Variants in MISP observed in about 807,000 individuals in gnomAD.
MISP encodes the protein mitotic spindle positioning.
In MISP, 51 loss-of-function variants were observed where a neutral mutation model predicts 49.3. The observed-to-expected ratio is 1.03, with a 90% CI of 0.83 to 1.31. MISP has a LOEUF of 1.31. Among genes scored for constraint, MISP ranks in the 50% most tolerant of loss-of-function variants. The pLI, the probability that MISP is intolerant of heterozygous loss-of-function variation, is 0.00. For missense variants in MISP, 1,084 were observed against 935.1 expected (o/e 1.16, Z -2.08); for synonymous variants, 444 against 392.6 (o/e 1.13, Z -1.55).
upstream of MISP, among the ~76,000 whole-genome samples, chr19:750,222 G>C (rs1336641184): frequency 9.3e-6 from 1 of 107,468 alleles, no homozygotes; most frequent in African/African-American, 3.5e-5. Flanking sequence ...TTTTTGAGTT[G>C]GAGTTTTGCT....
At position 759,972 on chromosome 19, in the gene MISP, A is replaced by T; in HGVS notation, c.1844A>T (p.Asn615Ile). ...TTCAGCCCCATCCACCTACACTCAAACGTGGCGTGGACAGTGGAAGATCCA... is the reference window on the plus strand; with the variant it reads ...TTCAGCCCCATCCACCTACACTCAATCGTGGCGTGGACAGTGGAAGATCCA... ...PFFSPIHLHS[N>I]VAWTVEDPVD... is the part of the protein sequence containing the mutation. Residue 615 changes from asparagine to isoleucine, a missense_variant, in exon 3 of 5, where the codon AAC becomes ATC. By Grantham distance (149) the Asn-to-Ile change is moderately radical. Transcript: ENST00000215582. 6.2e-7 allele frequency: 1 copy of T among 1,613,820 alleles called. No individual in the cohort carries two copies. Among genetic ancestry groups the T allele is most frequent in the Non-Finnish European group, 8.5e-7 (1 of 1,179,920 alleles).
At position 758,568 on chromosome 19, in the gene MISP, C is replaced by T; in HGVS notation, c.1622C>T (p.Ser541Phe). 6.2e-7 allele frequency: 1 copy of T among 1,614,202 alleles called. No homozygotes were observed. The highest frequency in any genetic ancestry group is 8.5e-7 in the Non-Finnish European group (1 of 1,180,022). The change falls in exon 2 of 5, where the codon TCC becomes TTC. Residue 541 changes from serine to phenylalanine, a missense_variant. Coordinates refer to ENST00000215582, the MANE Select transcript of MISP (RefSeq NM_173481.4). ...AGAPALRLQK[S>F]QSSDLLERER... ...GCCCCTGCACTGAGGCTGCAGAAGT[C>T]CCAGTCATCTGATCTGCTGGAAAGG...
Position 757,315 on chromosome 19 carries a change from C to A in MISP, c.369C>A (p.Thr123=). 6.2e-7 allele frequency: 1 copy of A among 1,614,056 alleles called. No homozygotes were observed. The change falls in exon 2 of 5, where the codon ACC becomes ACA. Residue 123 remains threonine, a synonymous_variant. Transcript: ENST00000215582. ...ACGGGGAGGACAAGGAGATGAAGAC[C>A]TACCGCCTGGATGCTGGGGACGCTG... is the stretch of plus-strand genomic sequence containing the variant. ...PEDGEDKEMK[T]YRLDAGDADP...
chr19:755,382 TGTCTCAGATGGGACGAG>T (rs2033534315), intron 1 of MISP, among the ~76,000 whole-genome samples: 1 of 152,142 alleles, frequency 6.6e-6, no homozygotes, highest in Non-Finnish European at 1.5e-5. Context: ...GCGGGGATGT[TGTCTCAGATGGGACGAG>T]GTGTCCAGCT....
chr19:750,314 C>T (rs563085310), upstream of MISP, among the ~76,000 whole-genome samples: 541 of 150,892 alleles, frequency 3.6e-3, 1 homozygote, highest in Non-Finnish European at 5.4e-3. Flanking sequence ...ATTCTTCTGC[C>T]TCAGCCTCCC....
chr19:756,272 G>A (rs1246978254), intron 1 of MISP, among the ~76,000 whole-genome samples: 4 of 152,196 alleles, frequency 2.6e-5, no homozygotes, highest in South Asian at 2.1e-4. Context: ...TAAAGTCCCA[G>A]GGTCTCATGT....
chr19:760,253 TG>T (rs1298074999), intron 3 of MISP, among the ~76,000 whole-genome samples: 1 of 151,578 alleles, frequency 6.6e-6, no homozygotes, highest in Admixed American at 6.6e-5. Flanking sequence ...CCATATAAGC[TG>T]GGGTCTTTGT....
chr19:754,287 AC>A lies in MISP; in HGVS notation c.-57-2599del, dbSNP rs1455561230. On this transcript the variant is annotated intron_variant, in intron 1 of 4. Transcript: ENST00000215582. ...AGACCATCCTGGCTAATATGGTGAA[AC>A]CCCGTCTCTACTAAAAATACAAAAA... is the stretch of plus-strand genomic sequence containing the variant. Among the ~76,000 whole-genome samples the A allele has an allele frequency of 2.6e-5, 4 of 152,246 alleles. No individual in the cohort carries two copies. The East Asian group carries it at 7.7e-4, about 29-fold the overall frequency.
upstream of MISP, among the ~76,000 whole-genome samples, chr19:749,824 C>CAA (rs775414369): frequency 2.1e-5 from 3 of 144,964 alleles, no homozygotes; most frequent in Admixed American, 6.9e-5. Flanking sequence ...GACTCCGTCT[C>CAA]AAAAAAAAAA....
chr19:763,473 C>A (rs758169816), intron 4 of MISP, 28 bp from the exon 5 acceptor site: 3 of 1,554,676 alleles, frequency 1.9e-6, no homozygotes, highest in East Asian at 2.2e-5. Flanking sequence ...GGACCTGGAT[C>A]GGGGGAATTC....
chr19:758,045 C>G lies in MISP; in HGVS notation c.1099C>G (p.Arg367Gly), dbSNP rs778438756. Reference protein sequence around the residue: ...QETQREEDHRREGLHVGRAST... With the variant: ...QETQREEDHRGEGLHVGRAST... ...GACACAGCGTGAGGAAGACCACCGG[C>G]GGGAGGGCCTGCACGTGGGCCGGGC... The change falls in exon 2 of 5, where the codon CGG becomes GGG. Residue 367 changes from arginine to glycine, a missense_variant. By Grantham distance (125) the Arg-to-Gly change is moderately radical. Transcript: ENST00000215582. The G allele has an allele frequency of 1.3e-6, 2 of 1,566,388 alleles. No homozygotes were observed. The highest frequency in any genetic ancestry group is 2.3e-5 in the East Asian group (1 of 44,362).
At chr19:759,775 C>T (rs563884627) in intron 2 of MISP, 134 bp from the exon 3 acceptor site, 1 of 1,001,458 alleles carries the variant, frequency 1.0e-6, no homozygotes, top group African/African-American at 1.6e-5. Flanking sequence ...TTTGGTCAAT[C>T]TGTCAGTTTC....
chr19:751,694 G>A (rs565546710), intron 1 of MISP, among the ~76,000 whole-genome samples: 1 of 152,272 alleles, frequency 6.6e-6, no homozygotes, highest in Non-Finnish European at 1.5e-5. Context: ...CTGGGGACTT[G>A]GCCTGGGTCC....
At position 759,974 on chromosome 19, in the gene MISP, G is replaced by A. The variant is rs763748517; in HGVS notation, c.1846G>A (p.Val616Met). ...CAGCCCCATCCACCTACACTCAAAC[G>A]TGGCGTGGACAGTGGAAGATCCAGT... ...FFSPIHLHSNVAWTVEDPVDS... is the reference protein window; with the variant it reads ...FFSPIHLHSNMAWTVEDPVDS... The change falls in exon 3 of 5, where the codon GTG (valine) becomes ATG (methionine). Residue 616 changes from valine (V) to methionine (M), a missense_variant. Physicochemically the swap from Val to Met is conservative, Grantham distance 21. Transcript: ENST00000215582. The A allele has an allele frequency of 9.3e-6, 15 of 1,613,936 alleles. No homozygotes were observed. Among genetic ancestry groups the A allele is most frequent in the Non-Finnish European group, 1.1e-5 (13 of 1,179,984 alleles).
rs1046651017 is a variant in MISP, at chr19:757,605, CT to C, written c.660del (p.Ala221GlnfsTer31). On this transcript the variant is annotated frameshift_variant, in exon 2 of 5. Coordinates refer to ENST00000215582, the MANE Select transcript of MISP (RefSeq NM_173481.4). LOFTEE classifies it high-confidence loss of function. ...CATAGCTCCCCGGCCAGGGGGACCC[CT>C]GCAGGCACAACCCCAGGGGCCAGCC... ...APHSSPARGT[P>X]AGTTPGASQA... The C allele has an allele frequency of 6.2e-7, 1 of 1,612,618 alleles. No homozygotes were observed. The highest frequency in any genetic ancestry group is 1.3e-5 in the African/African-American group (1 of 74,926).
chr19:748,752 C>T (rs1013482874), upstream of MISP, among the ~76,000 whole-genome samples: 4 of 152,180 alleles, frequency 2.6e-5, no homozygotes, highest in East Asian at 1.9e-4. Flanking sequence ...GTCATGCTCA[C>T]GGGAAGGTGC....
At chr19:752,384 C>T (rs1315843834) in intron 1 of MISP, among the ~76,000 whole-genome samples, 1 of 152,054 alleles carries the variant, frequency 6.6e-6, no homozygotes, top group Admixed American at 6.5e-5. Context: ...CTTAGCCGGG[C>T]GTGGTGGCGG....
rs2033611703 is a variant in MISP, at chr19:758,376, C to T, written c.1430C>T (p.Pro477Leu). The change falls in exon 2 of 5, where the codon CCC (proline) becomes CTC (leucine). Residue 477 changes from proline (P) to leucine (L), a missense_variant. Coordinates refer to ENST00000215582, the MANE Select transcript of MISP (RefSeq NM_173481.4). The part of the protein sequence containing the change: ...PRHLSESSGK[P>L]LSTKQEASKP... ...CATCTCTCAGAATCCTCTGGAAAAC[C>T]CCTGAGCACAAAGCAAGAGGCATCG... The T allele has an allele frequency of 3.1e-6, 5 of 1,614,186 alleles. No individual in the cohort carries two copies. The East Asian group carries it at 1.1e-4, about 36-fold the overall frequency.
At chr19:761,799 T>C in intron 4 of MISP, 136 bp downstream of exon 4, 1 of 927,546 alleles carries the variant, frequency 1.1e-6, no homozygotes, top group Non-Finnish European at 1.7e-6. Flanking sequence ...TAGTGTCTGC[T>C]CAGGGTGGAT....
Sources: allele counts gnomAD v4.1 joint callset (sites outside exome capture counted in the v4.1 genomes callset), GRCh38; gene constraint gnomAD v4.1.1; transcripts MANE v1.5; gene names NCBI Gene and HGNC (gene_info 2026-07-23, HGNC 2026-07-21).